Variants in SBF2 observed in about 807,000 individuals in gnomAD.
SBF2 encodes the protein myotubularin-related protein 13.
In SBF2, 112 loss-of-function variants were observed where a neutral mutation model predicts 225.2. The observed-to-expected ratio is 0.50, with a 90% CI of 0.43 to 0.58. SBF2 has a LOEUF of 0.58. Among genes scored for constraint, SBF2 ranks in the 20% least tolerant of loss-of-function variants. The pLI is 0.00. For synonymous variants in SBF2, 763 were observed against 773.3 expected (o/e 0.99, Z 0.22); for missense variants, 1,996 against 2,206.2 (o/e 0.90, Z 1.91).
intron 1 of SBF2, among the ~76,000 whole-genome samples, chr11:10,238,148 C>T (rs541134180): frequency 2.6e-5 from 4 of 152,088 alleles, no homozygotes; most frequent in Non-Finnish European, 5.9e-5. Flanking sequence ...GTGGCTCATA[C>T]CTGTTATCTC....
chr11:10,037,703 T>G (rs1242001467), intron 3 of SBF2, among the ~76,000 whole-genome samples: 1 of 151,788 alleles, frequency 6.6e-6, no homozygotes, highest in Non-Finnish European at 1.5e-5. Flanking sequence ...CTCTCAAATT[T>G]TTTCCTGCAT....
intron 1 of SBF2, among the ~76,000 whole-genome samples, chr11:10,293,048 A>C (rs976612052): frequency 1.3e-5 from 2 of 152,224 alleles, no homozygotes; most frequent in African/African-American, 4.8e-5. Context: ...CAATCTCAGC[A>C]TCTCTGAAAA....
chr11:10,115,778 T>G (rs1953108456), intron 2 of SBF2, among the ~76,000 whole-genome samples: 2 of 152,194 alleles, frequency 1.3e-5, no homozygotes, highest in Non-Finnish European at 2.9e-5. Context: ...ACAATCAGGA[T>G]GTATCTTTCA....
chr11:10,081,182 G>A (rs1185073967), intron 2 of SBF2, among the ~76,000 whole-genome samples: 1 of 152,018 alleles, frequency 6.6e-6, no homozygotes, highest in Non-Finnish European at 1.5e-5. Flanking sequence ...CACAAAAAAA[G>A]TCTCAATAAA....
chr11:9,899,924 A>T (rs1236707428), intron 16 of SBF2, among the ~76,000 whole-genome samples: 3 of 152,072 alleles, frequency 2.0e-5, no homozygotes, highest in African/African-American at 7.2e-5. Flanking sequence ...AGAGCTCTTT[A>T]AACTATTCTG....
intron 13 of SBF2, among the ~76,000 whole-genome samples, chr11:9,975,268 A>G (rs936554972): frequency 2.6e-5 from 4 of 152,238 alleles, no homozygotes; most frequent in Non-Finnish European, 4.4e-5. Context: ...GTTGGTCAAC[A>G]GGTAAATAAA....
At chr11:9,781,858 A>T (rs1369653908) in intron 38 of SBF2, among the ~76,000 whole-genome samples, 2 of 152,214 alleles carry the variant, frequency 1.3e-5, no homozygotes, top group Admixed American at 6.5e-5. Flanking sequence ...ACTGTTTGAA[A>T]ATCAAACAAA....
At chr11:10,086,284 T>C (rs1951564041) in intron 2 of SBF2, among the ~76,000 whole-genome samples, 1 of 152,170 alleles carries the variant, frequency 6.6e-6, no homozygotes, top group Non-Finnish European at 1.5e-5. Flanking sequence ...CAGTGATTGA[T>C]GGTTCACTAT....
At chr11:10,003,144 G>A (rs1056170144) in intron 6 of SBF2, among the ~76,000 whole-genome samples, 5 of 151,990 alleles carry the variant, frequency 3.3e-5, no homozygotes, top group African/African-American at 4.8e-5. Flanking sequence ...CAAATGCTCC[G>A]CAATTTAATG....
intron 1 of SBF2, among the ~76,000 whole-genome samples, chr11:10,266,093 A>ATG (rs1961957564): frequency 6.6e-6 from 1 of 152,144 alleles, no homozygotes; most frequent in South Asian, 2.1e-4. Flanking sequence ...TTTAATCCTC[A>ATG]TAACAATCAC....
intron 32 of SBF2, 112 bp downstream of exon 32, chr11:9,807,888 T>C (rs1853941125): frequency 2.1e-6 from 2 of 952,680 alleles, no homozygotes; most frequent in Non-Finnish European, 3.3e-6. Context: ...GTGGCTGAGT[T>C]AATCAGAGTT....
At chr11:10,087,969 T>C (rs1169019956) in intron 2 of SBF2, among the ~76,000 whole-genome samples, 1 of 152,196 alleles carries the variant, frequency 6.6e-6, no homozygotes, top group Non-Finnish European at 1.5e-5. Context: ...GTAGGTTCTG[T>C]ATCACATATC....
At chr11:9,784,320 A>C (rs1430946489) in intron 38 of SBF2, 31 bp downstream of exon 38, 1 of 1,510,452 alleles carries the variant, frequency 6.6e-7, no homozygotes, top group South Asian at 1.1e-5. Context: ...GCCTAGACAG[A>C]AGTAATTTCT....
At chr11:9,963,204 C>T (rs569084410) in intron 15 of SBF2, among the ~76,000 whole-genome samples, 1 of 152,190 alleles carries the variant, frequency 6.6e-6, no homozygotes, top group Non-Finnish European at 1.5e-5. Flanking sequence ...TTGGCTCATA[C>T]ATGTAATCCC....
intron 11 of SBF2, among the ~76,000 whole-genome samples, 163 bp downstream of exon 11, chr11:9,992,827 G>A (rs1180394230): frequency 6.6e-6 from 1 of 152,024 alleles, no homozygotes; most frequent in Admixed American, 6.5e-5. Context: ...GATATTATGA[G>A]TTCCATATTA....
intron 1 of SBF2, among the ~76,000 whole-genome samples, chr11:10,198,127 A>G (rs1157272425): frequency 1.3e-5 from 2 of 152,230 alleles, no homozygotes; most frequent in Non-Finnish European, 2.9e-5. Flanking sequence ...AATCATTTCC[A>G]CAAGGCTTTC....
At chr11:9,911,697 G>A (rs1252626284) in intron 16 of SBF2, among the ~76,000 whole-genome samples, 1 of 152,148 alleles carries the variant, frequency 6.6e-6, no homozygotes, top group Non-Finnish European at 1.5e-5. Context: ...TTTCAGTCCT[G>A]CAAGCTCCAT....
chr11:9,784,500 G>T, intron 37 of SBF2, 62 bp from the exon 38 acceptor site: 2 of 1,272,698 alleles, frequency 1.6e-6, no homozygotes, highest in South Asian at 1.2e-5. Context: ...CTGTAAAGGG[G>T]AGGGGATATC....
At chr11:9,929,381 ATGACAACCAG>A (rs74731051) in intron 16 of SBF2, 36,980 of 181,782 alleles carry the variant, frequency 0.2, 4,671 homozygotes, top group Non-Finnish European at 0.28. Context: ...TGGATTTTAT[ATGACAACCAG>A]TGACAACCAG....
Sources: gnomAD v4.1 joint callset for allele counts (sites outside exome capture counted in the v4.1 genomes callset) on GRCh38, gnomAD v4.1.1 for gene constraint, MANE v1.5 for transcripts, NCBI Gene and HGNC (gene_info 2026-07-23, HGNC 2026-07-21) for gene names.